RMDN2: variants seen among roughly 807,000 people sequenced by gnomAD.
RMDN2 encodes regulator of microtubule dynamics protein 2.
RMDN2 carries 61 observed loss-of-function variants against 52.8 expected under a neutral mutation model. The observed-to-expected ratio is 1.16, with a 90% CI of 0.94 to 1.43. The LOEUF is 1.43. RMDN2 is among the 40% of genes most tolerant of loss of function. The pLI is 0.00. For synonymous variants in RMDN2, 180 were observed against 153.1 expected (o/e 1.18, Z -1.30); for missense variants, 592 against 475.3 (o/e 1.25, Z -2.28).
intron 10 of RMDN2, among the ~76,000 whole-genome samples, chr2:38,061,210 T>C (rs1011196599): frequency 1.3e-5 from 2 of 151,940 alleles, no homozygotes; most frequent in Non-Finnish European, 2.9e-5. Flanking sequence ...AAGTGTCCTC[T>C]TACATCCTCC....
At chr2:37,995,322 G>GACTACTACT (rs3056282) in intron 7 of RMDN2, among the ~76,000 whole-genome samples, 14,861 of 147,098 alleles carry the variant, frequency 0.1, 818 homozygotes, top group East Asian at 0.13. Context: ...AAGAGGGGAT[G>GACTACTACT]ACTACTACTA....
At chr2:37,963,734 A>C (rs1425808444) in intron 2 of RMDN2, among the ~76,000 whole-genome samples, 2 of 152,204 alleles carry the variant, frequency 1.3e-5, no homozygotes, top group African/African-American at 2.4e-5. Flanking sequence ...CAGACACAGC[A>C]ACAATCTGAT....
chr2:37,999,541 C>A (rs543348682), intron 8 of RMDN2, among the ~76,000 whole-genome samples: 2 of 152,260 alleles, frequency 1.3e-5, no homozygotes, highest in South Asian at 2.1e-4. Context: ...GAGGAGGCAT[C>A]AGGAATGCTT....
At chr2:38,042,445 A>AC (rs1558582742) in intron 10 of RMDN2, among the ~76,000 whole-genome samples, 4,214 of 145,184 alleles carry the variant, frequency 0.029, 219 homozygotes, top group African/African-American at 0.1. Flanking sequence ...CACACACACC[A>AC]CACACACACA....
rs116745408 is a variant in RMDN2, at chr2:37,996,694, A to G, written c.946-722A>G. Among the ~76,000 whole-genome samples, 1,077 of 152,138 alleles carry G rather than the reference A, an allele frequency of 7.1e-3. 17 individuals are homozygous for G. The highest frequency in any genetic ancestry group is 0.024 in the African/African-American group (1,007 of 41,486). ...AATTTATGGGGTTGGACAAGCATCA[A>G]CTGGGTCAATACCCTTTTAAGTGTT... On this transcript the variant is annotated intron_variant, in intron 7 of 10. Coordinates refer to ENST00000354545, the MANE Select transcript of RMDN2 (RefSeq NM_001170791.3).
chr2:37,991,324 C>A, intron 7 of RMDN2, 27 bp downstream of exon 7: 2 of 1,194,636 alleles, frequency 1.7e-6, no homozygotes, highest in South Asian at 1.8e-5. Flanking sequence ...TATTTATAAA[C>A]TTTATTTGAA....
At chr2:38,018,932 C>T (rs1424975045), downstream of RMDN2, among the ~76,000 whole-genome samples, 3 of 152,072 alleles carry the variant, frequency 2.0e-5, no homozygotes, top group African/African-American at 7.2e-5. Context: ...AATTTCAAGC[C>T]GTGATAGACA....
chr2:37,980,152 C>G (rs1411420604), intron 4 of RMDN2, among the ~76,000 whole-genome samples: 10 of 151,986 alleles, frequency 6.6e-5, no homozygotes, highest in Admixed American at 6.6e-4. Flanking sequence ...TGGATAGTCT[C>G]TTCAAGATAA....
intron 2 of RMDN2, among the ~76,000 whole-genome samples, chr2:37,932,962 G>A (rs1173370446): frequency 2.7e-5 from 4 of 150,602 alleles, no homozygotes; most frequent in East Asian, 2.0e-4. Context: ...GGGCGGAGAC[G>A]CTCCTCACTT....
In RMDN2 at chr2:37,951,877, A is replaced by C. The variant is rs375006700; in HGVS notation, c.452+22148A>C. On this transcript the variant is annotated intron_variant, in intron 2 of 10. Coordinates refer to ENST00000354545, the MANE Select transcript of RMDN2 (RefSeq NM_001170791.3). Reference sequence around the variant, plus strand: ...TCATCCTTCTTTTCTCTTGCAAGTGATATTTCCTCTCCCGATCAACAAAAT... The same window carrying C: ...TCATCCTTCTTTTCTCTTGCAAGTGCTATTTCCTCTCCCGATCAACAAAAT... The C allele has an allele frequency of 3.7e-6, 6 of 1,613,432 alleles. No individual in the cohort carries two copies. The Middle Eastern group carries it at 6.6e-4, about 178-fold the overall frequency.
chr2:38,066,049 T>G (rs1682265068), intron 10 of RMDN2, among the ~76,000 whole-genome samples: 2 of 152,264 alleles, frequency 1.3e-5, no homozygotes, highest in South Asian at 2.1e-4. Context: ...AGGGACAAAC[T>G]AGGGTACAAA....
rs143137824 is a variant in RMDN2, at chr2:38,031,199, C to T, written c.1713+26983C>T. ...GTACTACTTAAGGAACCCTTATTTGCACATGATGTTGGCCATTTCTCCACA... is the reference window on the plus strand; with the variant it reads ...GTACTACTTAAGGAACCCTTATTTGTACATGATGTTGGCCATTTCTCCACA... On this transcript the variant is annotated intron_variant, in intron 10 of 10. Transcript: ENST00000234195. 3.0e-4 allele frequency among the ~76,000 whole-genome samples: 46 copies of T among 151,306 alleles called. No individual in the cohort carries two copies. The East Asian group carries it at 8.4e-3, about 28-fold the overall frequency.
chr2:37,951,494 A>G, intron 2 of RMDN2: 2 of 1,612,202 alleles, frequency 1.2e-6, no homozygotes, highest in Admixed American at 1.7e-5. Flanking sequence ...CTTACTGGCA[A>G]CAAAGTAGAG....
At chr2:37,981,473 T>G (rs1419568066) in intron 5 of RMDN2, 130 bp downstream of exon 5, 2 of 632,350 alleles carry the variant, frequency 3.2e-6, no homozygotes, top group Admixed American at 5.5e-5. Flanking sequence ...ATATGTATAA[T>G]AGCACAGTAA....
At chr2:38,014,737 G>T (rs1167449017) in intron 10 of RMDN2, among the ~76,000 whole-genome samples, 1 of 152,182 alleles carries the variant, frequency 6.6e-6, no homozygotes, top group Admixed American at 6.5e-5. Context: ...GAAAGAGAGA[G>T]ATTATCTTTA....
rs778220485 is a variant in RMDN2 at position 37,975,613 on chromosome 2, G to A, written c.730+299G>A. ...AGGAGAAATACCTAATGTAGATGTC[G>A]GGTTGATGGGTGCAGAAAACCACCG... On this transcript the variant is annotated intron_variant, in intron 4 of 10. Coordinates refer to ENST00000354545, the MANE Select transcript of RMDN2 (RefSeq NM_001170791.3). 7.2e-5 allele frequency among the ~76,000 whole-genome samples: 11 copies of A among 152,198 alleles called. No homozygotes were observed. In the South Asian group the frequency reaches 1.5e-3, roughly 20 times the overall value.
At chr2:37,986,769 G>C (rs1674077590) in intron 5 of RMDN2, among the ~76,000 whole-genome samples, 3 of 151,820 alleles carry the variant, frequency 2.0e-5, no homozygotes, top group Non-Finnish European at 2.9e-5. Flanking sequence ...CAGCAAACTA[G>C]CAAACTCTCA....
At chr2:37,964,280 G>C (rs1389285808) in intron 2 of RMDN2, among the ~76,000 whole-genome samples, 1 of 152,224 alleles carries the variant, frequency 6.6e-6, no homozygotes, top group East Asian at 1.9e-4. Context: ...TGAGTCCGTT[G>C]TACAAAAATC....
At chr2:38,038,475 C>G (rs1343001187) in intron 10 of RMDN2, among the ~76,000 whole-genome samples, 1 of 152,200 alleles carries the variant, frequency 6.6e-6, no homozygotes, top group Non-Finnish European at 1.5e-5. Flanking sequence ...CTGGGAAACT[C>G]CGAACTGTCT....
Sources: gnomAD v4.1 joint callset for allele counts (sites outside exome capture counted in the v4.1 genomes callset) on GRCh38, gnomAD v4.1.1 for gene constraint, MANE v1.5 for transcripts, NCBI Gene and HGNC (gene_info 2026-07-23, HGNC 2026-07-21) for gene names.